BMPR2: variants seen among roughly 807,000 people sequenced by gnomAD.
The protein encoded by BMPR2 is bone morphogenetic protein receptor type-2.
BMPR2 carries 29 observed loss-of-function variants against 100.8 expected under a neutral mutation model. The ratio of observed to expected loss-of-function variants is 0.29; its 90% CI spans 0.21 to 0.39. The LOEUF (loss-of-function observed/expected upper bound fraction) is 0.39, where lower values mean the gene tolerates loss of function less well. BMPR2 is among the 10% of genes least tolerant of loss of function. The pLI is 1.00. For missense variants in BMPR2, 1,011 were observed against 1,274.5 expected, an observed-to-expected ratio of 0.79 and a Z score of 3.15; for synonymous variants, 382 against 442.3, an observed-to-expected ratio of 0.86 and a Z score of 1.71.
intron 1 of BMPR2, among the ~76,000 whole-genome samples, chr2:202,388,195 G>A (rs1690469777): frequency 6.6e-6 from 1 of 151,760 alleles, no homozygotes; most frequent in South Asian, 2.1e-4. Flanking sequence ...TCAGGAGTTT[G>A]AGAACAGCCT....
chr2:202,491,957 A>C (rs1023974259), intron 3 of BMPR2, among the ~76,000 whole-genome samples: 1 of 152,220 alleles, frequency 6.6e-6, no homozygotes, highest in African/African-American at 2.4e-5. Flanking sequence ...AAGTAGCTAC[A>C]TTTGTTACAT....
At chr2:202,413,852 A>C (rs531527071) in intron 1 of BMPR2, among the ~76,000 whole-genome samples, 1 of 152,050 alleles carries the variant, frequency 6.6e-6, no homozygotes, top group Non-Finnish European at 1.5e-5. Flanking sequence ...TTTAGTAGAG[A>C]TGAGGTTTCA....
intron 6 of BMPR2, among the ~76,000 whole-genome samples, chr2:202,519,325 C>G (rs774958335): frequency 6.6e-6 from 1 of 151,904 alleles, no homozygotes; most frequent in South Asian, 2.1e-4. Context: ...ATTGTACAGC[C>G]GTACTCCAGC....
At chr2:202,457,125 TCTAC>T (rs141532724) in intron 1 of BMPR2, among the ~76,000 whole-genome samples, 2,262 of 152,196 alleles carry the variant, frequency 0.015, 56 homozygotes, top group African/African-American at 0.052. Flanking sequence ...TTATTATCTA[TCTAC>T]CTACCTACCT....
chr2:202,421,871 G>C (rs1320761066), intron 1 of BMPR2, among the ~76,000 whole-genome samples: 1 of 152,138 alleles, frequency 6.6e-6, no homozygotes, highest in Non-Finnish European at 1.5e-5. Flanking sequence ...GGTAACTGTA[G>C]AGTAAATAAC....
At chr2:202,458,796 TC>T (rs766414369) in intron 1 of BMPR2, among the ~76,000 whole-genome samples, 83 of 152,352 alleles carry the variant, frequency 5.4e-4, no homozygotes, top group Admixed American at 1.6e-3. Context: ...ACAATTTTTA[TC>T]CCTGCCAAAT....
chr2:202,450,458 G>A (rs1238330407), intron 1 of BMPR2, among the ~76,000 whole-genome samples: 5 of 152,106 alleles, frequency 3.3e-5, no homozygotes, highest in Non-Finnish European at 5.9e-5. Context: ...TTGGGAGGCC[G>A]AGGCAGGTGG....
intron 9 of BMPR2, among the ~76,000 whole-genome samples, chr2:202,533,124 T>G (rs1688058308): frequency 6.6e-6 from 1 of 152,172 alleles, no homozygotes; most frequent in Non-Finnish European, 1.5e-5. Context: ...TTGTAAACAC[T>G]TTTTCCTTTT....
chr2:202,393,874 TGAGAGAGCGAGA>T (rs1690601060), intron 1 of BMPR2, among the ~76,000 whole-genome samples: 2 of 76,650 alleles, frequency 2.6e-5, no homozygotes, highest in African/African-American at 1.0e-4. Flanking sequence ...ATTAAGGTAA[TGAGAGAGCGAGA>T]GAGAGAGAGA....
chr2:202,435,820 A>G (rs1199156731), intron 1 of BMPR2, among the ~76,000 whole-genome samples: 4 of 150,524 alleles, frequency 2.7e-5, no homozygotes, highest in African/African-American at 1.0e-4. Context: ...TGGAATAGCT[A>G]TACAACTATC....
chr2:202,536,506 T>C (rs1472586511), intron 9 of BMPR2, among the ~76,000 whole-genome samples: 1 of 152,186 alleles, frequency 6.6e-6, no homozygotes, highest in African/African-American at 2.4e-5. Flanking sequence ...GTATATTTTC[T>C]AGTTAATTAA....
intron 9 of BMPR2, among the ~76,000 whole-genome samples, chr2:202,534,489 T>C (rs1227901393): frequency 6.6e-6 from 1 of 152,022 alleles, no homozygotes; most frequent in Non-Finnish European, 1.5e-5. Context: ...TTCAAGCATC[T>C]GTTTAACAAA....
intron 1 of BMPR2, among the ~76,000 whole-genome samples, chr2:202,404,198 T>G (rs1690833146): frequency 6.7e-6 from 1 of 150,368 alleles, no homozygotes; most frequent in African/African-American, 2.4e-5. Flanking sequence ...TGGGTTGTTT[T>G]TTTTTTTTTT....
chr2:202,484,686 G>T (rs1228012449), intron 3 of BMPR2, among the ~76,000 whole-genome samples: 2 of 138,938 alleles, frequency 1.4e-5, no homozygotes, highest in Non-Finnish European at 3.1e-5. Flanking sequence ...AAAGAAAAAG[G>T]CTGGGCGCGG....
chr2:202,477,561 G>A (rs1340277917), intron 3 of BMPR2, among the ~76,000 whole-genome samples: 1 of 152,066 alleles, frequency 6.6e-6, no homozygotes, highest in Non-Finnish European at 1.5e-5. Context: ...AGGCCAAGGC[G>A]GGCGGATCAC....
chr2:202,535,832 C>CG (rs1688145125), intron 9 of BMPR2, among the ~76,000 whole-genome samples: 2 of 152,220 alleles, frequency 1.3e-5, no homozygotes, highest in African/African-American at 4.8e-5. Context: ...TCTGCAATCC[C>CG]GGCACCTCGG....
At chr2:202,474,996 C>T (rs569673642) in intron 3 of BMPR2, 1 of 152,302 alleles carries the variant, frequency 6.6e-6, no homozygotes, top group South Asian at 2.1e-4. Flanking sequence ...CACCCATATA[C>T]AACCATTGTT....
intron 3 of BMPR2, among the ~76,000 whole-genome samples, chr2:202,492,486 G>A (rs1206523396): frequency 1.3e-5 from 2 of 151,948 alleles, no homozygotes; most frequent in Non-Finnish European, 2.9e-5. Flanking sequence ...GATCACTTGA[G>A]ACCAGGAGTT....
chr2:202,376,782 C>T lies in BMPR2; in HGVS notation c.-693C>T, dbSNP rs1011941901. On this transcript the variant is annotated 5_prime_UTR_variant, in exon 1 of 13. Transcript: ENST00000374580. ...CGCGACCGCGACCCCTCCCCTCCCC[C>T]GCTCCTACCTCTCCTCAGCCTTCGC... Among the ~76,000 whole-genome samples, 4 of 151,428 alleles carry T rather than the reference C, an allele frequency of 2.6e-5. No individual in the cohort carries two copies. Among genetic ancestry groups the T allele is most frequent in the Non-Finnish European group, 5.9e-5 (4 of 67,882 alleles).
Sources: gnomAD v4.1 joint callset for allele counts (sites outside exome capture counted in the v4.1 genomes callset) on GRCh38, gnomAD v4.1.1 for gene constraint, MANE v1.5 for transcripts, NCBI Gene and HGNC (gene_info 2026-07-23, HGNC 2026-07-21) for gene names.